The following MAP4K2 variants were observed in gnomAD, a reference collection of about 807,000 sequenced individuals.
MAP4K2 encodes the protein mitogen-activated protein kinase kinase kinase kinase 2, also known as B lymphocyte serine/threonine protein kinase.
A neutral mutation model predicts 125.3 loss-of-function variants in MAP4K2; 85 were observed. The ratio of observed to expected loss-of-function variants is 0.68; its 90% confidence interval spans 0.57 to 0.81. MAP4K2 has a LOEUF of 0.81. Ranked by LOEUF, MAP4K2 falls within the 40% of genes least tolerant of loss-of-function variation. MAP4K2 has a pLI of 0.00. For synonymous variants in MAP4K2, 479 were observed against 445.1 expected, an observed-to-expected ratio of 1.08 and a Z score of -0.96; for missense variants, 923 against 1,056.4, an observed-to-expected ratio of 0.87 and a Z score of 1.75.
At chr11:64,802,676 G>A (rs1202300332) in intron 2 of MAP4K2, 23 bp from the exon 3 acceptor site, 3 of 1,607,054 alleles carry the variant, frequency 1.9e-6, no homozygotes, top group Non-Finnish European at 2.6e-6. Context: ...AAGCATCATG[G>A]GGAAGGCGCG....
At position 64,803,136 on chromosome 11, in the gene MAP4K2, C is replaced by A. The variant is rs553275423; in HGVS notation, c.14G>T (p.Arg5Leu). Residue 5 changes from arginine to leucine, a missense_variant, in exon 1 of 32, where the codon CGG becomes CTG. Around this residue, in one of 2 missense-constraint regions of MAP4K2, gnomAD observed 833 missense variants for 911.4 expected, o/e 0.91. Coordinates refer to ENST00000294066, the MANE Select transcript of MAP4K2 (RefSeq NM_004579.5). The stretch of plus-strand genomic sequence containing the variant: ...CCGCGGGTCCTGCAGCGACACATCC[C>A]GCAGCAGCGCCATGGCCCGGCGCCG... MALL[R>L]DVSLQDPRDR... 132 of 1,529,774 alleles carry A rather than the reference C, an allele frequency of 8.6e-5. No individual in the cohort carries two copies. In the East Asian group the frequency reaches 2.6e-3, roughly 30 times the overall value. The allele number at this position is 1,529,774 out of a possible 1,614,324, so 94.8% of individuals were successfully genotyped here.
intron 24 of MAP4K2, among the ~76,000 whole-genome samples, chr11:64,795,686 GC>G (rs1007918388): frequency 2.0e-5 from 3 of 152,054 alleles, no homozygotes; most frequent in Admixed American, 6.6e-5. Flanking sequence ...ACAGGCGTGA[GC>G]CCCCCCGCCC....
intron 24 of MAP4K2, among the ~76,000 whole-genome samples, chr11:64,794,287 CTT>C (rs1157020232): frequency 6.6e-6 from 1 of 152,232 alleles, no homozygotes; most frequent in Admixed American, 6.5e-5. Flanking sequence ...CTTGACTCCT[CTT>C]TCTCTTTCAT....
At chr11:64,800,852 C>CA in intron 9 of MAP4K2, 26 bp from the exon 10 acceptor site, 1 of 1,613,724 alleles carries the variant, frequency 6.2e-7, no homozygotes, top group Non-Finnish European at 8.5e-7. Context: ...GGTCAGGGGC[C>CA]ACAGGCCGCA....
Position 64,792,167 on chromosome 11 carries a change from C to A in MAP4K2, c.1914+5G>T. The A allele has an allele frequency of 6.2e-7, 1 of 1,607,878 alleles. No individual in the cohort carries two copies. The highest frequency in any genetic ancestry group is 8.5e-7 in the Non-Finnish European group (1 of 1,177,394). ...TGCCCTGGGCCTCCCCCCACCGCCC[C>A]TCACCTTCAGCAGCAGAAACTTCTG... On this transcript the variant is annotated splice_donor_5th_base_variant and intron_variant, in intron 26 of 31. Transcript: ENST00000294066.
intron 20 of MAP4K2, 31 bp from the exon 21 acceptor site, chr11:64,796,924 G>A (rs1156272709): frequency 6.2e-7 from 1 of 1,613,970 alleles, no homozygotes; most frequent in South Asian, 1.1e-5. Flanking sequence ...TGGCGAGGGA[G>A]TGCAGGGGTG....
rs1940796151 is a variant in MAP4K2, at chr11:64,796,335, C to A, written c.1689G>T (p.Arg563Ser). The A allele has an allele frequency of 5.1e-6, 8 of 1,560,682 alleles. No individual in the cohort carries two copies. Among genetic ancestry groups the A allele is most frequent in the Non-Finnish European group, 6.9e-6 (8 of 1,152,428 alleles). ...HDLPGLFEQR[R>S]LQQQVPLSIP... ...TGGAGAGGGGAACCTGTTGCTGTAG[C>A]CTCCGCTGCTCAAACAGGCCTGGGA... The change falls in exon 24 of 32, where the codon AGG becomes AGT. Residue 563 changes from arginine (R) to serine (S), a missense_variant. This residue lies in a region of MAP4K2 where 833 missense variants were observed against 911.4 expected (regional missense o/e 0.91). Transcript: ENST00000294066.
At chr11:64,798,354 C>T (rs1041678079) in intron 15 of MAP4K2, among the ~76,000 whole-genome samples, 10 of 151,754 alleles carry the variant, frequency 6.6e-5, no homozygotes, top group South Asian at 2.1e-4. Context: ...TTACTAGAGA[C>T]GGGCTTTCAC....
At position 64,797,359 on chromosome 11, in the gene MAP4K2, T is replaced by A; in HGVS notation, c.1192A>T (p.Thr398Ser). ...GGGGCCCGCTTGATGGTTCCCATGG[T>A]ATCGTCTGGGGAGTCCAGCTCCTGG... is the stretch of plus-strand genomic sequence containing the variant. ...EFQELDSPDD[T>S]MGTIKRAPFL... The change falls in exon 18 of 32, where the codon ACC (threonine) becomes TCC (serine). Residue 398 changes from threonine to serine, a missense_variant. Physicochemically the swap from Thr to Ser is moderately conservative, Grantham distance 58. Around this residue, in one of 2 missense-constraint regions of MAP4K2, gnomAD observed 833 missense variants for 911.4 expected, o/e 0.91. Transcript: ENST00000294066. 6.3e-7 allele frequency: 1 copy of A among 1,593,326 alleles called. No individual in the cohort carries two copies. Among genetic ancestry groups the A allele is most frequent in the Non-Finnish European group, 8.5e-7 (1 of 1,169,930 alleles).
chr11:64,791,855 C>A, intron 27 of MAP4K2, 54 bp downstream of exon 27: 1 of 1,455,432 alleles, frequency 6.9e-7, no homozygotes, highest in Non-Finnish European at 9.1e-7. Flanking sequence ...GCCTCCCTCC[C>A]TCGGTCTCTC....
chr11:64,800,937 C>A lies in MAP4K2; in HGVS notation c.625G>T (p.Glu209Ter). ...AGGTGGAACAGAGGGGGCTGCAGCT[C>A]GCCCAGCTCAATGGCAGTGATGCCC... ...ALGITAIELG[E>*]LQPPLFHLHP... The change falls in exon 9 of 32, where the codon GAG becomes TAG. Residue 209 changes from glutamate to a stop codon, truncating the protein, a stop_gained. Coordinates refer to ENST00000294066, the MANE Select transcript of MAP4K2 (RefSeq NM_004579.5). LOFTEE classifies it high-confidence loss of function. 5 of 1,614,054 alleles carry A rather than the reference C, an allele frequency of 3.1e-6. No individual in the cohort carries two copies. Among genetic ancestry groups the A allele is most frequent in the Non-Finnish European group, 4.2e-6 (5 of 1,180,004 alleles).
chr11:64,799,818 C>T (rs1044516597), intron 12 of MAP4K2, 135 bp from the exon 13 acceptor site: 4 of 699,702 alleles, frequency 5.7e-6, no homozygotes, highest in Non-Finnish European at 9.8e-6. Context: ...AAAATGGAAC[C>T]CCACTTCACA....
Position 64,790,167 on chromosome 11 carries a change from C to G in MAP4K2, c.2248+21G>C, listed in dbSNP as rs994631220. On this transcript the variant is annotated intron_variant, in intron 29 of 31. Coordinates refer to ENST00000294066, the MANE Select transcript of MAP4K2 (RefSeq NM_004579.5). ...GCTCCAGGCCAGGGAAAGGCCTGCA[C>G]CCCACCTCTGGCTCACTCACCCACA... is the stretch of plus-strand genomic sequence containing the variant. 1.9e-6 allele frequency: 3 copies of G among 1,613,752 alleles called. No homozygotes were observed. In the South Asian group the frequency reaches 3.3e-5, roughly 18 times the overall value.
In MAP4K2 at chr11:64,800,358, G is replaced by C; in HGVS notation, c.760C>G (p.Leu254Val). The C allele has an allele frequency of 6.2e-7, 1 of 1,614,106 alleles. No individual in the cohort carries two copies. The highest frequency in any genetic ancestry group is 8.5e-7 in the Non-Finnish European group (1 of 1,180,016). The change falls in exon 11 of 32, where the codon CTG (leucine) becomes GTG (valine). Residue 254 changes from leucine (L) to valine (V), a missense_variant. Coordinates refer to ENST00000294066, the MANE Select transcript of MAP4K2 (RefSeq NM_004579.5). Reference protein sequence around the residue: ...QNFHHFLKLALTKNPKKRPTA... With the variant: ...QNFHHFLKLAVTKNPKKRPTA... ...GGCCTCTTCTTAGGATTCTTGGTCA[G>C]GGCCAGTTTGAGAAAGTGGTGGAAA...
At chr11:64,794,944 T>C (rs1179288250) in intron 24 of MAP4K2, among the ~76,000 whole-genome samples, 2 of 152,098 alleles carry the variant, frequency 1.3e-5, no homozygotes. Context: ...TTCAATGCAG[T>C]GGTACGATCG....
chr11:64,798,801 A>T lies in MAP4K2; in HGVS notation c.1090T>A (p.Leu364Met), dbSNP rs1486768859. ...TCCCCATACCTCACTTACCCACTCA[A>T]CTCTTCCTTTCCCAGTAGTGTCCAC... is the stretch of plus-strand genomic sequence containing the variant. ...EEWTLLGKEE[L>M]SGSLLQSVQE... Residue 364 changes from leucine (L) to methionine (M), a missense_variant, in exon 15 of 32, where the codon TTG becomes ATG. Around this residue, in one of 2 missense-constraint regions of MAP4K2, gnomAD observed 833 missense variants for 911.4 expected, o/e 0.91. Transcript: ENST00000294066. 5.0e-6 allele frequency: 8 copies of T among 1,610,206 alleles called. No individual in the cohort carries two copies. Among genetic ancestry groups the T allele is most frequent in the African/African-American group, 1.3e-5 (1 of 74,628 alleles).
In MAP4K2 at chr11:64,786,322, A is replaced by G. The variant is rs1940196353; in HGVS notation, c.*3215T>C. 6.6e-6 allele frequency: 1 copy of G among 152,182 alleles called. No homozygotes were observed. The highest frequency in any genetic ancestry group is 6.5e-5 in the Admixed American group (1 of 15,278). 9.4% of individuals were successfully genotyped at this position (152,182 alleles called of 1,614,324 possible). ...GGCTTTGGATATGGTAAACCTAAGG[A>G]AAGTAAAGCTCAGCGAGCTGGGGTG... is the stretch of plus-strand genomic sequence containing the variant. On this transcript the variant is annotated 3_prime_UTR_variant, in exon 32 of 32. Transcript: ENST00000294066.
At chr11:64,796,157 G>C in intron 24 of MAP4K2, 116 bp downstream of exon 24, 2 of 921,852 alleles carry the variant, frequency 2.2e-6, no homozygotes, top group South Asian at 3.9e-5. Context: ...GAGGAAACGG[G>C]CGCTCAGAGA....
At chr11:64,801,461 G>A (rs1941159721) in intron 7 of MAP4K2, 118 bp downstream of exon 7, 3 of 1,197,998 alleles carry the variant, frequency 2.5e-6, no homozygotes, top group African/African-American at 1.5e-5. Context: ...CTTCTAAGCA[G>A]GGAAACTGAG....
Sources: gnomAD v4.1 joint callset for allele counts (sites outside exome capture counted in the v4.1 genomes callset) on GRCh38, gnomAD v4.1.1 for gene constraint, gnomAD v4.1.1 regional missense constraint, MANE v1.5 for transcripts, NCBI Gene and HGNC (gene_info 2026-07-23, HGNC 2026-07-21) for gene names.